ANKRD42: variants seen among roughly 807,000 people sequenced by gnomAD.
ANKRD42 encodes the protein ankyrin repeat domain-containing protein 42.
A neutral mutation model predicts 51.5 loss-of-function variants in ANKRD42; 43 were observed. That is an observed-to-expected ratio of 0.83 (90% CI 0.65 to 1.08). The LOEUF is 1.08. Ranked by LOEUF, ANKRD42 falls within the 50% of genes least tolerant of loss-of-function variation. The pLI is 0.00. For synonymous variants in ANKRD42, 203 were observed against 213.0 expected (o/e 0.95, Z 0.41); for missense variants, 608 against 629.3 (o/e 0.97, Z 0.36).
chr11:83,246,590 A>G (rs1306334194), intron 10 of ANKRD42, among the ~76,000 whole-genome samples: 3 of 152,176 alleles, frequency 2.0e-5, no homozygotes, highest in African/African-American at 7.2e-5. Flanking sequence ...GATTTAATCA[A>G]ACATGGGTCC....
intron 5 of ANKRD42, chr11:83,213,038 A>G (rs1862387660): frequency 1.3e-6 from 2 of 1,599,996 alleles, no homozygotes; most frequent in Non-Finnish European, 1.7e-6. Flanking sequence ...GAAGCCCAGG[A>G]TCATCAAAAA....
intron 7 of ANKRD42, among the ~76,000 whole-genome samples, chr11:83,228,943 GT>G (rs200966901): frequency 1.3e-5 from 1 of 74,162 alleles, no homozygotes; most frequent in Non-Finnish European, 2.9e-5. Flanking sequence ...AGTTTTTTTT[GT>G]TTTTTTTTGT....
At chr11:83,227,616 C>T (rs1862929223) in intron 6 of ANKRD42, 131 bp from the exon 7 acceptor site, 2 of 835,876 alleles carry the variant, frequency 2.4e-6, no homozygotes, top group Admixed American at 2.9e-5. Context: ...TGGTAGTCAT[C>T]AACTGAACTC....
chr11:83,211,979 CA>C (rs1862340308), intron 5 of ANKRD42, among the ~76,000 whole-genome samples: 1 of 152,126 alleles, frequency 6.6e-6, no homozygotes, highest in South Asian at 2.1e-4. Context: ...CAAAATTAAA[CA>C]TAGATTTGCT....
chr11:83,255,789 C>A, intron 11 of ANKRD42: 1 of 1,392,850 alleles, frequency 7.2e-7, no homozygotes, highest in South Asian at 1.4e-5. Context: ...TGTAGAAAGA[C>A]GAAAATGTGT....
intron 10 of ANKRD42, among the ~76,000 whole-genome samples, chr11:83,246,398 G>A (rs953662027): frequency 6.6e-6 from 1 of 152,110 alleles, no homozygotes; most frequent in Non-Finnish European, 1.5e-5. Context: ...AGCATCCGTG[G>A]GTTTTGGTGT....
chr11:83,198,907 A>G (rs1170479873), intron 2 of ANKRD42, among the ~76,000 whole-genome samples: 1 of 152,138 alleles, frequency 6.6e-6, no homozygotes, highest in Non-Finnish European at 1.5e-5. Context: ...CTGCTCCATG[A>G]TATCTGGGGC....
chr11:83,200,723 T>C (rs1861835861), intron 2 of ANKRD42, among the ~76,000 whole-genome samples: 1 of 152,214 alleles, frequency 6.6e-6, no homozygotes, highest in Non-Finnish European at 1.5e-5. Flanking sequence ...GTGGTCCACC[T>C]GTAGTCCATA....
intron 9 of ANKRD42, among the ~76,000 whole-genome samples, chr11:83,242,271 T>G (rs1863408005): frequency 6.6e-6 from 1 of 152,180 alleles, no homozygotes; most frequent in Admixed American, 6.5e-5. Flanking sequence ...TTGTTTGCCT[T>G]GACTGTTTTT....
chr11:83,255,850 C>T, exon 12 of ANKRD42: 1 of 1,527,966 alleles, frequency 6.5e-7, no homozygotes, highest in South Asian at 1.2e-5. Flanking sequence ...TATAGGAAGA[C>T]AGCGCTTCTT....
intron 2 of ANKRD42, 55 bp from the exon 3 acceptor site, chr11:83,206,003 A>AT (rs1250017960): frequency 6.8e-7 from 1 of 1,465,204 alleles, no homozygotes; most frequent in Non-Finnish European, 9.5e-7. Flanking sequence ...AATTTAAAAG[A>AT]TAAAAATGTT....
At chr11:83,217,234 A>C (rs1468062187) in intron 5 of ANKRD42, among the ~76,000 whole-genome samples, 1 of 152,196 alleles carries the variant, frequency 6.6e-6, no homozygotes, top group Non-Finnish European at 1.5e-5. Flanking sequence ...AGGGTACTGA[A>C]TGTTCAAGCT....
downstream of ANKRD42, among the ~76,000 whole-genome samples, chr11:83,258,702 T>C (rs1229426950): frequency 6.6e-6 from 1 of 152,220 alleles, no homozygotes; most frequent in Non-Finnish European, 1.5e-5. Context: ...GTTTCAGTGA[T>C]AATGACTACA....
chr11:83,195,489 G>A (rs905973653), intron 1 of ANKRD42, among the ~76,000 whole-genome samples: 3 of 152,074 alleles, frequency 2.0e-5, no homozygotes, highest in African/African-American at 4.8e-5. Flanking sequence ...ATCTCTCCTC[G>A]GAGCTGCAAA....
At chr11:83,227,638 A>G (rs914942002) in intron 6 of ANKRD42, 109 bp from the exon 7 acceptor site, 69 of 1,178,670 alleles carry the variant, frequency 5.9e-5, no homozygotes, top group Admixed American at 2.3e-4. Context: ...TCCGATTACA[A>G]CAGCCTTATA....
downstream of ANKRD42, chr11:83,261,014 T>C (rs529155629): frequency 1.3e-5 from 2 of 152,308 alleles, no homozygotes; most frequent in African/African-American, 4.8e-5. Flanking sequence ...ATTTAAAAAA[T>C]ACATGTAATA....
chr11:83,211,394 A>G lies in ANKRD42; in HGVS notation c.550A>G (p.Ser184Gly), dbSNP rs912880379. The G allele has an allele frequency of 6.2e-7, 1 of 1,614,216 alleles. No individual in the cohort carries two copies. The highest frequency in any genetic ancestry group is 1.1e-5 in the South Asian group (1 of 91,084). ...CLQLLVKWGC[S>G]IEDVDYNGNL... Reference sequence around the variant, plus strand: ...GCAACTTCTTGTTAAATGGGGTTGTAGCATAGAAGATGTGGACTACAATGG... The same window carrying G: ...GCAACTTCTTGTTAAATGGGGTTGTGGCATAGAAGATGTGGACTACAATGG... Residue 184 changes from serine (S) to glycine (G), a missense_variant, in exon 5 of 11, where the codon AGC becomes GGC. Coordinates refer to ENST00000533342, the MANE Select transcript of ANKRD42 (RefSeq NM_001300975.2).
At chr11:83,210,608 C>A (rs147472813) in intron 4 of ANKRD42, among the ~76,000 whole-genome samples, 189 bp downstream of exon 4, 6 of 152,302 alleles carry the variant, frequency 3.9e-5, no homozygotes, top group Admixed American at 2.6e-4. Context: ...TCTCTTCCCC[C>A]CCAAAAACCA....
chr11:83,225,078 C>G (rs370844008), intron 6 of ANKRD42, 23 bp downstream of exon 6: 2 of 1,560,226 alleles, frequency 1.3e-6, no homozygotes, highest in African/African-American at 1.4e-5. Context: ...GTTATATGTT[C>G]TAGCATATAA....
Sources: gnomAD v4.1 joint callset for allele counts (sites outside exome capture counted in the v4.1 genomes callset) on GRCh38, gnomAD v4.1.1 for gene constraint, MANE v1.5 for transcripts, NCBI Gene and HGNC (gene_info 2026-07-23, HGNC 2026-07-21) for gene names.